The following SIPA1L2 variants were observed in gnomAD, a reference collection of about 807,000 sequenced individuals.
The protein encoded by SIPA1L2 is signal induced proliferation associated 1 like 2.
A neutral mutation model predicts 163.9 loss-of-function variants in SIPA1L2; 56 were observed. The ratio of observed to expected loss-of-function variants is 0.34; its 90% CI spans 0.28 to 0.43. The LOEUF (loss-of-function observed/expected upper bound fraction) is 0.43, where lower values mean the gene tolerates loss of function less well. SIPA1L2 is among the 20% of genes least tolerant of loss of function. The probability of loss-of-function intolerance (pLI) is 1.00; values close to 1 mark genes in which losing one functional copy is unlikely to be tolerated. For missense variants in SIPA1L2, 1,974 were observed against 2,193.5 expected (o/e 0.90, Z 2.00); for synonymous variants, 877 against 865.7 (o/e 1.01, Z -0.23).
intron 1 of SIPA1L2, among the ~76,000 whole-genome samples, chr1:232,597,381 G>A (rs1205093070): frequency 1.3e-5 from 2 of 151,940 alleles, no homozygotes; most frequent in Non-Finnish European, 2.9e-5. Flanking sequence ...TCAACCTAAA[G>A]AAGTAACAAG....
intron 15 of SIPA1L2, among the ~76,000 whole-genome samples, chr1:232,433,552 A>C (rs982916925): frequency 2.0e-5 from 3 of 152,168 alleles, no homozygotes; most frequent in Admixed American, 6.5e-5. Context: ...AACAATACTG[A>C]AACAGACAGA....
chr1:232,451,628 A>G (rs78341272), intron 10 of SIPA1L2, among the ~76,000 whole-genome samples: 2,486 of 152,320 alleles, frequency 0.016, 31 homozygotes, highest in Middle Eastern at 0.031. Flanking sequence ...CCTCATTGAT[A>G]CACATGCTTG....
intron 2 of SIPA1L2, among the ~76,000 whole-genome samples, chr1:232,535,662 C>T (rs1017497536): frequency 6.6e-6 from 1 of 152,114 alleles, no homozygotes; most frequent in Non-Finnish European, 1.5e-5. Flanking sequence ...TGAATATATA[C>T]CATGAGCCTA....
chr1:232,421,689 C>T (rs569412673), intron 18 of SIPA1L2, among the ~76,000 whole-genome samples: 3 of 125,896 alleles, frequency 2.4e-5, no homozygotes, highest in African/African-American at 6.0e-5. Flanking sequence ...ACAAAACCAC[C>T]GAGGCTACAC....
At chr1:232,459,185 T>C (rs1664092425) in intron 10 of SIPA1L2, among the ~76,000 whole-genome samples, 1 of 152,206 alleles carries the variant, frequency 6.6e-6, no homozygotes, top group Non-Finnish European at 1.5e-5. Context: ...AGCTGATCTA[T>C]CCAATATGGC....
At chr1:232,591,128 C>G (rs193209777) in intron 1 of SIPA1L2, among the ~76,000 whole-genome samples, 106 of 152,300 alleles carry the variant, frequency 7.0e-4, no homozygotes, top group Non-Finnish European at 7.3e-5. Context: ...AGCACCCTAT[C>G]TGAAAATAGC....
At chr1:232,429,799 C>T (rs1662120301) in intron 16 of SIPA1L2, among the ~76,000 whole-genome samples, 1 of 152,062 alleles carries the variant, frequency 6.6e-6, no homozygotes, top group Non-Finnish European at 1.5e-5. Flanking sequence ...AAGAAGCGCC[C>T]AACATTCGAT....
At chr1:232,445,478 C>T in intron 11 of SIPA1L2, 51 bp downstream of exon 11, 1 of 1,609,570 alleles carries the variant, frequency 6.2e-7, no homozygotes, top group Non-Finnish European at 8.5e-7. Flanking sequence ...GTCAAGTTCT[C>T]ACCCCAGTGA....
intron 1 of SIPA1L2, among the ~76,000 whole-genome samples, chr1:232,574,953 G>T (rs1262191902): frequency 6.6e-6 from 1 of 152,156 alleles, no homozygotes; most frequent in African/African-American, 2.4e-5. Flanking sequence ...GAGGAAACTG[G>T]CACTCAAGAG....
At position 232,484,566 on chromosome 1, in the gene SIPA1L2, CATTT is replaced by C. The variant is rs569904486; in HGVS notation, c.1807-604_1807-601del. ...AGTAACTCTGGCTTACGATTACATTCATTTGTTACATTTTTTACTATCTTGAAAA... is the reference window on the plus strand; with the variant it reads ...AGTAACTCTGGCTTACGATTACATTCGTTACATTTTTTACTATCTTGAAAA... On this transcript the variant is annotated intron_variant, in intron 5 of 22. Transcript: ENST00000674635. Among the ~76,000 whole-genome samples, 901 of 152,252 alleles carry C rather than the reference CATTT, an allele frequency of 5.9e-3. 4 individuals are homozygous for C. The highest frequency in any genetic ancestry group is 0.017 in the Middle Eastern group (5 of 294).
intron 17 of SIPA1L2, among the ~76,000 whole-genome samples, chr1:232,426,899 T>C (rs1231671358): frequency 3.3e-5 from 5 of 152,158 alleles, no homozygotes; most frequent in Admixed American, 6.5e-5. Context: ...AGGTAAACAA[T>C]AGTAAAAGCC....
intron 2 of SIPA1L2, among the ~76,000 whole-genome samples, chr1:232,562,094 C>CTGGAG (rs1659070346): frequency 6.6e-6 from 1 of 152,140 alleles, no homozygotes; most frequent in Non-Finnish European, 1.5e-5. Flanking sequence ...GCAGAGGACA[C>CTGGAG]TGGAGAAGTA....
At chr1:232,450,370 C>A (rs1311103968) in intron 10 of SIPA1L2, among the ~76,000 whole-genome samples, 1 of 152,202 alleles carries the variant, frequency 6.6e-6, no homozygotes, top group Non-Finnish European at 1.5e-5. Flanking sequence ...ATCCCTAGGG[C>A]TACTGATTCA....
intron 1 of SIPA1L2, among the ~76,000 whole-genome samples, chr1:232,585,755 AGCT>A (rs972288830): frequency 1.3e-5 from 2 of 152,234 alleles, no homozygotes; most frequent in African/African-American, 4.8e-5. Flanking sequence ...ACAGAGAAGA[AGCT>A]GCTAAGAGTG....
intron 1 of SIPA1L2, among the ~76,000 whole-genome samples, chr1:232,622,519 C>A (rs1662867197): frequency 6.6e-6 from 1 of 152,228 alleles, no homozygotes; most frequent in African/African-American, 2.4e-5. Context: ...AAGTCAACTG[C>A]AGCCTCATGG....
rs146676437 is a variant in SIPA1L2 at position 232,491,654 on chromosome 1, T to C, written c.1618-592A>G. Among the ~76,000 whole-genome samples the C allele has an allele frequency of 2.8e-3, 428 of 152,188 alleles. 3 individuals carry two copies. Among genetic ancestry groups the C allele is most frequent in the African/African-American group, 9.9e-3 (413 of 41,526 alleles). ...TCAAATTCACCACAGAAACATGCAA[T>C]GAATATTTGGAGCACGTGCCTAAGA... On this transcript the variant is annotated intron_variant, in intron 4 of 22. Coordinates refer to ENST00000674635, the MANE Select transcript of SIPA1L2 (RefSeq NM_020808.5).
chr1:232,553,387 G>T (rs191577614), intron 2 of SIPA1L2, among the ~76,000 whole-genome samples: 6 of 152,122 alleles, frequency 3.9e-5, no homozygotes, highest in South Asian at 2.1e-4. Context: ...AGGACGGGGG[G>T]GCGTAGTGGG....
At chr1:232,439,003 C>T (rs1222507091) in intron 15 of SIPA1L2, 105 bp downstream of exon 15, 2 of 1,221,334 alleles carry the variant, frequency 1.6e-6, no homozygotes, top group Non-Finnish European at 2.2e-6. Flanking sequence ...TTACACCAAC[C>T]TACCTGATGC....
chr1:232,510,725 C>T (rs1666941118), intron 3 of SIPA1L2, among the ~76,000 whole-genome samples: 1 of 152,110 alleles, frequency 6.6e-6, no homozygotes. Flanking sequence ...AACCTAAAAT[C>T]ATCTCGGGGA....
Sources: allele counts gnomAD v4.1 joint callset (sites outside exome capture counted in the v4.1 genomes callset), GRCh38; gene constraint gnomAD v4.1.1; transcripts MANE v1.5; gene names NCBI Gene and HGNC (gene_info 2026-07-23, HGNC 2026-07-21).